Variants in MERTK observed in about 807,000 individuals in gnomAD.
The protein encoded by MERTK is tyrosine-protein kinase Mer.
MERTK carries 69 observed loss-of-function variants against 99.3 expected under a neutral mutation model. That is an observed-to-expected ratio of 0.70 (90% CI 0.57 to 0.85). MERTK has a LOEUF of 0.85. Ranked by LOEUF, MERTK falls within the 40% of genes least tolerant of loss-of-function variation. The probability of loss-of-function intolerance (pLI) is 0.00; values close to 1 mark genes in which losing one functional copy is unlikely to be tolerated. For missense variants in MERTK, 1,125 were observed against 1,249.4 expected (o/e 0.90, Z 1.50); for synonymous variants, 426 against 467.6 (o/e 0.91, Z 1.15).
At chr2:111,992,069 A>G (rs565663055) in intron 8 of MERTK, among the ~76,000 whole-genome samples, 1 of 152,188 alleles carries the variant, frequency 6.6e-6, no homozygotes. Flanking sequence ...CCATAAAGAA[A>G]TTCTTTGACC....
intron 1 of MERTK, among the ~76,000 whole-genome samples, chr2:111,910,068 A>G (rs917117216): frequency 6.6e-6 from 1 of 152,200 alleles, no homozygotes; most frequent in Non-Finnish European, 1.5e-5. Context: ...AATGTGGTAT[A>G]AGCTTTGGCA....
intron 1 of MERTK, among the ~76,000 whole-genome samples, chr2:111,904,319 A>T (rs1379472620): frequency 6.6e-6 from 1 of 150,478 alleles, no homozygotes; most frequent in Non-Finnish European, 1.5e-5. Context: ...AAATTTTTTT[A>T]TTTTTATTTT....
chr2:111,985,666 A>C (rs1175965518), intron 8 of MERTK, among the ~76,000 whole-genome samples: 1 of 152,190 alleles, frequency 6.6e-6, no homozygotes, highest in Non-Finnish European at 1.5e-5. Flanking sequence ...GGCACGTCTT[A>C]CATGGTGACA....
At chr2:112,014,122 C>T (rs925552234) in intron 15 of MERTK, among the ~76,000 whole-genome samples, 10 of 151,392 alleles carry the variant, frequency 6.6e-5, no homozygotes, top group East Asian at 1.9e-4. Context: ...CCTGGGTTCA[C>T]GCCATTCTCC....
At position 112,021,277 on chromosome 2, in the gene MERTK, T is replaced by A. The variant is rs1677341294; in HGVS notation, c.2190-145T>A. ...TGGTCCTCACTTGCTCTGCCATTGG[T>A]CCCAATGCAGCATGCTCACAGGCTG... On this transcript the variant is annotated intron_variant, in intron 16 of 18. Transcript: ENST00000295408. 10 of 1,179,218 alleles carry A rather than the reference T, an allele frequency of 8.5e-6. No individual in the cohort carries two copies. The Admixed American group carries it at 1.1e-4, about 13-fold the overall frequency. The allele number at this position is 1,179,218 out of a possible 1,614,324, so 73.0% of individuals were successfully genotyped here. A position where few individuals can be genotyped will look rare whatever the true frequency, so the allele number is the denominator to read the frequency against.
chr2:111,991,771 G>T (rs969401585), intron 8 of MERTK, among the ~76,000 whole-genome samples: 6 of 152,074 alleles, frequency 3.9e-5, no homozygotes, highest in African/African-American at 1.5e-4. Context: ...TATAATGTGT[G>T]TGGAGGGGAG....
At chr2:112,003,388 G>A in intron 12 of MERTK, 2 of 476,550 alleles carry the variant, frequency 4.2e-6, no homozygotes, top group South Asian at 5.0e-5. Flanking sequence ...TCTCTTCAAT[G>A]CCTAGCACAT....
intron 15 of MERTK, among the ~76,000 whole-genome samples, chr2:112,014,623 T>C (rs1677179740): frequency 6.6e-6 from 1 of 151,954 alleles, no homozygotes; most frequent in Admixed American, 6.5e-5. Flanking sequence ...AATGGAGTCA[T>C]ACATTTATAA....
At chr2:111,927,667 G>A (rs1188454845) in intron 1 of MERTK, among the ~76,000 whole-genome samples, 1 of 152,208 alleles carries the variant, frequency 6.6e-6, no homozygotes, top group East Asian at 1.9e-4. Flanking sequence ...AGAAGGCCCT[G>A]TTTGTTTAAA....
At chr2:111,968,087 A>T (rs201359547) in intron 5 of MERTK, 50 bp from the exon 6 acceptor site, 2 of 1,244,936 alleles carry the variant, frequency 1.6e-6, no homozygotes, top group East Asian at 4.6e-5. Flanking sequence ...CCTGTCATCT[A>T]TAATTGTGTT....
chr2:111,974,814 AAAAG>A (rs66471967), intron 6 of MERTK, among the ~76,000 whole-genome samples: 29,803 of 148,370 alleles, frequency 0.2, 3,654 homozygotes, highest in Middle Eastern at 0.33. Context: ...AAAGAAAAGA[AAAAG>A]AAAGCAAGAA....
chr2:111,976,161 A>G (rs1177483633), intron 7 of MERTK, among the ~76,000 whole-genome samples: 1 of 151,860 alleles, frequency 6.6e-6, no homozygotes, highest in African/African-American at 2.4e-5. Flanking sequence ...TATAGAAGGA[A>G]AGGGTGTGGA....
intron 10 of MERTK, among the ~76,000 whole-genome samples, chr2:111,998,102 G>A (rs367596640): frequency 1.3e-5 from 2 of 152,124 alleles, no homozygotes; most frequent in South Asian, 2.1e-4. Context: ...CATCCCACTC[G>A]CTCCAAGACT....
At chr2:112,017,763 T>C (rs900743150) in intron 15 of MERTK, among the ~76,000 whole-genome samples, 2 of 152,088 alleles carry the variant, frequency 1.3e-5, no homozygotes, top group Non-Finnish European at 2.9e-5. Context: ...AGCATACCTA[T>C]GTTTTAAGAA....
intron 1 of MERTK, among the ~76,000 whole-genome samples, chr2:111,902,678 A>G (rs779718387): frequency 3.3e-5 from 5 of 151,994 alleles, no homozygotes; most frequent in African/African-American, 4.8e-5. Flanking sequence ...GCCTTCCCCA[A>G]TAACCACCCC....
At chr2:111,945,519 T>G (rs572264254) in intron 3 of MERTK, among the ~76,000 whole-genome samples, 3 of 152,342 alleles carry the variant, frequency 2.0e-5, no homozygotes, top group Admixed American at 6.5e-5. Context: ...TTTCCTCGAC[T>G]GGCTCAACAG....
chr2:111,985,110 CTA>C (rs916710068), intron 8 of MERTK, among the ~76,000 whole-genome samples: 3 of 152,186 alleles, frequency 2.0e-5, no homozygotes, highest in African/African-American at 7.2e-5. Flanking sequence ...CAAAGGGAAT[CTA>C]TGTGTGAAAT....
chr2:111,908,299 A>G (rs887325400), intron 1 of MERTK, among the ~76,000 whole-genome samples: 1 of 151,986 alleles, frequency 6.6e-6, no homozygotes, highest in Non-Finnish European at 1.5e-5. Flanking sequence ...TTACCATTAT[A>G]TTTTTTCCTC....
chr2:111,930,499 A>T (rs1307783407), intron 2 of MERTK: 2 of 150,510 alleles, frequency 1.3e-5, no homozygotes, highest in African/African-American at 2.4e-5. Flanking sequence ...AAGCCAGTGC[A>T]GCTCTCTCGT....
Sources: allele counts gnomAD v4.1 joint callset (sites outside exome capture counted in the v4.1 genomes callset), GRCh38; gene constraint gnomAD v4.1.1; transcripts MANE v1.5; gene names NCBI Gene and HGNC (gene_info 2026-07-23, HGNC 2026-07-21).